Variants in CLGN observed in about 807,000 individuals in gnomAD.
The protein encoded by CLGN is testis tissue sperm-binding protein Li 79P.
CLGN carries 62 observed loss-of-function variants against 79.1 expected under a neutral mutation model. The ratio of observed to expected loss-of-function variants is 0.78; its 90% confidence interval spans 0.64 to 0.97. CLGN has a LOEUF of 0.97. Among genes scored for constraint, CLGN ranks in the 50% least tolerant of loss-of-function variants. The pLI, the probability that CLGN is intolerant of heterozygous loss-of-function variation, is 0.00. For synonymous variants in CLGN, 225 were observed against 224.7 expected (o/e 1.00, Z -0.01); for missense variants, 647 against 715.5 (o/e 0.90, Z 1.09).
In CLGN at chr4:140,392,616, A is replaced by G. The variant is rs766346699; in HGVS notation, c.1461T>C (p.Ile487=). ...CTTTTCTTGGCCAACAAAATGAAGT[A>G]ATTAATGCTATTGGCACTCCTGCTG... ...LVTAGVPIAL[I]TSFCWPRKVK... The change falls in exon 12 of 15, where the codon ATT becomes ATC. Residue 487 remains isoleucine, a synonymous_variant. Coordinates refer to ENST00000325617, the MANE Select transcript of CLGN (RefSeq NM_004362.3). The G allele has an allele frequency of 1.2e-6, 2 of 1,605,296 alleles. No individual in the cohort carries two copies. The highest frequency in any genetic ancestry group is 4.5e-5 in the East Asian group (2 of 44,686).
chr4:140,419,349 A>G (rs920162782), intron 1 of CLGN, among the ~76,000 whole-genome samples: 13 of 152,200 alleles, frequency 8.5e-5, no homozygotes, highest in Admixed American at 3.9e-4. Flanking sequence ...AACTTAAAGT[A>G]TAATAAAAAA....
chr4:140,425,444 G>GTC (rs139456968), intron 1 of CLGN, among the ~76,000 whole-genome samples: 2 of 109,366 alleles, frequency 1.8e-5, no homozygotes, highest in Non-Finnish European at 4.3e-5. Flanking sequence ...GTGTGTGTGT[G>GTC]TGTGTGTGTG....
chr4:140,410,227 C>G (rs1729184803), intron 3 of CLGN, among the ~76,000 whole-genome samples: 1 of 151,784 alleles, frequency 6.6e-6, no homozygotes, highest in Non-Finnish European at 1.5e-5. Context: ...TTAATATTAA[C>G]TTTTGTTTTT....
In CLGN at chr4:140,389,227, G is replaced by A. The variant is rs1728729174; in HGVS notation, c.1830C>T (p.Asp610=). 1 of 1,611,350 alleles carries A rather than the reference G, an allele frequency of 6.2e-7. No homozygotes were observed. The highest frequency in any genetic ancestry group is 8.5e-7 in the Non-Finnish European group (1 of 1,178,052). ...ATTAAAAATATTTCAATCTAGTTTA[G>A]TCCTTTCGTACTCTTCTTTTGCGTA... ...KSVRKRRVRK[D] Residue 610 remains aspartate, a synonymous_variant, in exon 15 of 15, where the codon GAC becomes GAT. Coordinates refer to ENST00000325617, the MANE Select transcript of CLGN (RefSeq NM_004362.3).
At position 140,390,732 on chromosome 4, in the gene CLGN, G is replaced by C; in HGVS notation, c.1652-4C>G. The C allele has an allele frequency of 6.3e-7, 1 of 1,583,134 alleles. No homozygotes were observed. Among genetic ancestry groups the C allele is most frequent in the Non-Finnish European group, 8.6e-7 (1 of 1,160,870 alleles). ...TCCTCAGGTTCACTTTCCTCTTCTA[G>C]AATACAGATTTTGTTAAAAGCAAAG... On this transcript the variant is annotated splice_polypyrimidine_tract_variant and splice_region_variant and intron_variant, in intron 13 of 14. Coordinates refer to ENST00000325617, the MANE Select transcript of CLGN (RefSeq NM_004362.3).
At chr4:140,410,460 A>T in intron 3 of CLGN, 93 bp downstream of exon 3, 11 of 801,280 alleles carry the variant, frequency 1.4e-5, no homozygotes, top group Non-Finnish European at 2.3e-5. Flanking sequence ...TTTTTTATAG[A>T]TCTGTAGTAG....
At chr4:140,420,357 G>A (rs1729439871) in intron 1 of CLGN, among the ~76,000 whole-genome samples, 1 of 152,042 alleles carries the variant, frequency 6.6e-6, no homozygotes, top group Non-Finnish European at 1.5e-5. Context: ...TTGAAAGTTT[G>A]TTTCTTCTTT....
intron 3 of CLGN, 108 bp downstream of exon 3, chr4:140,410,445 T>C (rs1729188307): frequency 2.8e-6 from 2 of 724,382 alleles, no homozygotes; most frequent in Non-Finnish European, 4.8e-6. Flanking sequence ...TAAACTACTT[T>C]AAAATTTTTT....
At chr4:140,427,121 G>GT (rs397745107) in intron 1 of CLGN, among the ~76,000 whole-genome samples, 18 of 151,938 alleles carry the variant, frequency 1.2e-4, no homozygotes, top group African/African-American at 4.3e-4. Context: ...AGCGCCCCGG[G>GT]CTCAAGCGTG....
At chr4:140,395,731 A>G (rs1560739339) in intron 10 of CLGN, 88 bp downstream of exon 10, 1 of 1,163,882 alleles carries the variant, frequency 8.6e-7, no homozygotes, top group East Asian at 2.8e-5. Flanking sequence ...TGAAACTTCC[A>G]AAAGTTGACA....
intron 14 of CLGN, 63 bp downstream of exon 14, chr4:140,390,565 T>A: frequency 9.0e-7 from 1 of 1,113,760 alleles, no homozygotes; most frequent in South Asian, 1.9e-5. Flanking sequence ...ATATTGGTGC[T>A]TTTATTGAAA....
At chr4:140,406,320 A>G (rs1477261424) in intron 4 of CLGN, among the ~76,000 whole-genome samples, 2 of 152,178 alleles carry the variant, frequency 1.3e-5, no homozygotes, top group Non-Finnish European at 2.9e-5. Flanking sequence ...AGCAAACACT[A>G]TAGTGTCTAA....
chr4:140,388,912 C>A lies in CLGN; in HGVS notation c.*312G>T. 4.4e-6 allele frequency: 1 copy of A among 229,674 alleles called. No homozygotes were observed. Among genetic ancestry groups the A allele is most frequent in the East Asian group, 8.8e-5 (1 of 11,304 alleles). 14.2% of individuals were successfully genotyped at this position (229,674 alleles called of 1,614,324 possible). On this transcript the variant is annotated 3_prime_UTR_variant, in exon 15 of 15. Coordinates refer to ENST00000325617, the MANE Select transcript of CLGN (RefSeq NM_004362.3). Reference sequence around the variant, plus strand: ...ACTGATTTTTCCAATAGCAATGAAGCTGCTACATATTATTTTGTTCTGTAC... The same window carrying A: ...ACTGATTTTTCCAATAGCAATGAAGATGCTACATATTATTTTGTTCTGTAC...
intron 5 of CLGN, among the ~76,000 whole-genome samples, chr4:140,402,840 C>A (rs1729024415): frequency 6.6e-6 from 1 of 151,794 alleles, no homozygotes; most frequent in Non-Finnish European, 1.5e-5. Flanking sequence ...AAGGAAATGG[C>A]TGTCAAACAG....
At chr4:140,426,295 A>T (rs949371939) in intron 1 of CLGN, among the ~76,000 whole-genome samples, 1 of 152,254 alleles carries the variant, frequency 6.6e-6, no homozygotes, top group Non-Finnish European at 1.5e-5. Context: ...TTTTCTATTT[A>T]AAAACACCAG....
chr4:140,411,176 A>G (rs972790020), intron 2 of CLGN, among the ~76,000 whole-genome samples: 1 of 152,060 alleles, frequency 6.6e-6, no homozygotes, highest in Non-Finnish European at 1.5e-5. Flanking sequence ...TGATGGTGGC[A>G]GTGGTATTGC....
chr4:140,394,721 C>T (rs1336240775), intron 10 of CLGN, among the ~76,000 whole-genome samples: 1 of 152,062 alleles, frequency 6.6e-6, no homozygotes, highest in African/African-American at 2.4e-5. Context: ...GTGTTAAATG[C>T]TTTTAATAAA....
At chr4:140,390,584 T>C in intron 14 of CLGN, 44 bp downstream of exon 14, 1 of 1,344,178 alleles carries the variant, frequency 7.4e-7, no homozygotes, top group Non-Finnish European at 9.9e-7. Context: ...AAAAACTTTT[T>C]ATGGATAACA....
intron 11 of CLGN, 41 bp downstream of exon 11, chr4:140,393,785 A>G (rs757667634): frequency 1.3e-6 from 2 of 1,552,108 alleles, no homozygotes; most frequent in Non-Finnish European, 8.9e-7. Flanking sequence ...AAGTATTATT[A>G]TTCATAGTTA....
Sources: gnomAD v4.1 joint callset for allele counts (sites outside exome capture counted in the v4.1 genomes callset) on GRCh38, gnomAD v4.1.1 for gene constraint, MANE v1.5 for transcripts, NCBI Gene and HGNC (gene_info 2026-07-23, HGNC 2026-07-21) for gene names.